Variants in ZRANB3 observed in about 807,000 individuals in gnomAD.
The protein encoded by ZRANB3 is DNA annealing helicase and endonuclease ZRANB3.
In ZRANB3, 125 loss-of-function variants were observed where a neutral mutation model predicts 133.8. The observed-to-expected ratio is 0.93, with a 90% CI of 0.81 to 1.08. The LOEUF is 1.08. ZRANB3 is among the 50% of genes least tolerant of loss of function. The pLI is 0.00. For missense variants in ZRANB3, 1,229 were observed against 1,275.5 expected (o/e 0.96, Z 0.56); for synonymous variants, 387 against 432.7 (o/e 0.89, Z 1.31).
At position 135,454,784 on chromosome 2, in the gene ZRANB3, C is replaced by G. The variant is rs78529627; in HGVS notation, c.161+49545G>C. 7.0e-3 allele frequency among the ~76,000 whole-genome samples: 1,065 copies of G among 152,252 alleles called. 11 individuals are homozygous for G. The highest frequency in any genetic ancestry group is 0.024 in the African/African-American group (998 of 41,542). On this transcript the variant is annotated intron_variant, in intron 2 of 20. Transcript: ENST00000264159. ...AGACATTTTTCATTCTTTTTCATGG[C>G]TGAGTAGTATTCCATGGTATATACA...
intron 2 of ZRANB3, among the ~76,000 whole-genome samples, chr2:135,475,779 A>T (rs1292688291): frequency 1.3e-5 from 2 of 152,188 alleles, no homozygotes. Context: ...TAAGGCAAAT[A>T]AAAATATTAA....
chr2:135,346,260 C>G (rs1205453981), intron 5 of ZRANB3, among the ~76,000 whole-genome samples: 1 of 152,052 alleles, frequency 6.6e-6, no homozygotes. Flanking sequence ...CCATGCCCGG[C>G]TAATTTTGTT....
Position 135,405,689 on chromosome 2 carries a change from T to A in ZRANB3, c.162-14869A>T, listed in dbSNP as rs565719152. Among the ~76,000 whole-genome samples the A allele has an allele frequency of 2.6e-4, 40 of 152,250 alleles. 1 individual carries two copies. The highest frequency in any genetic ancestry group is 3.4e-3 in the Middle Eastern group (1 of 294). On this transcript the variant is annotated intron_variant, in intron 2 of 20. Coordinates refer to ENST00000264159, the MANE Select transcript of ZRANB3 (RefSeq NM_032143.4). ...ATTCACTCAAATCCGCTCAACTACA[T>A]GGAAACTGAACAACCTGCTCCTGAA...
At chr2:135,407,008 A>G (rs1472422239) in intron 2 of ZRANB3, among the ~76,000 whole-genome samples, 1 of 152,224 alleles carries the variant, frequency 6.6e-6, no homozygotes, top group Non-Finnish European at 1.5e-5. Flanking sequence ...AGGGTATTCA[A>G]TTAGGAAAAG....
At chr2:135,284,904 G>A (rs1250834215) in intron 8 of ZRANB3, among the ~76,000 whole-genome samples, 7 of 149,962 alleles carry the variant, frequency 4.7e-5, no homozygotes, top group Non-Finnish European at 3.0e-5. Flanking sequence ...GGAGTGCCAC[G>A]GTGCACTCTT....
chr2:135,382,898 A>G (rs1686783991), intron 3 of ZRANB3, among the ~76,000 whole-genome samples: 3 of 152,248 alleles, frequency 2.0e-5, no homozygotes, highest in Non-Finnish European at 4.4e-5. Flanking sequence ...GCCAAATTCT[A>G]AAGACCATCG....
At chr2:135,513,084 T>C (rs1037992596) in intron 1 of ZRANB3, among the ~76,000 whole-genome samples, 6 of 152,156 alleles carry the variant, frequency 3.9e-5, no homozygotes, top group South Asian at 2.1e-4. Flanking sequence ...CTCATATTCA[T>C]AGGTAAACAA....
intron 8 of ZRANB3, among the ~76,000 whole-genome samples, chr2:135,286,438 C>T (rs975774258): frequency 3.9e-5 from 6 of 152,122 alleles, no homozygotes; most frequent in Non-Finnish European, 5.9e-5. Context: ...CCACTACACC[C>T]GGCTAATTTT....
At chr2:135,461,704 GACAGCTCT>G (rs1392255557) in intron 2 of ZRANB3, among the ~76,000 whole-genome samples, 1 of 152,172 alleles carries the variant, frequency 6.6e-6, no homozygotes, top group Non-Finnish European at 1.5e-5. Flanking sequence ...ACCTGGACTA[GACAGCTCT>G]ACGTAGCATC....
intron 1 of ZRANB3, among the ~76,000 whole-genome samples, chr2:135,509,909 T>C (rs1267432855): frequency 6.6e-6 from 1 of 152,198 alleles, no homozygotes; most frequent in African/African-American, 2.4e-5. Flanking sequence ...AATTGTCAAA[T>C]TTTCCAAACC....
chr2:135,529,115 G>A (rs747093149), intron 1 of ZRANB3, among the ~76,000 whole-genome samples: 3 of 152,104 alleles, frequency 2.0e-5, no homozygotes, highest in Admixed American at 6.6e-5. Context: ...AGTGTTAAGC[G>A]CTCATACCAT....
intron 1 of ZRANB3, among the ~76,000 whole-genome samples, chr2:135,529,822 G>T (rs1239767232): frequency 6.6e-6 from 1 of 151,514 alleles, no homozygotes; most frequent in East Asian, 2.0e-4. Context: ...TCTGCCACTC[G>T]TTTAATAAAT....
chr2:135,313,711 G>T, intron 7 of ZRANB3, 106 bp from the exon 8 acceptor site: 2 of 617,324 alleles, frequency 3.2e-6, no homozygotes, highest in South Asian at 6.4e-5. Context: ...TCTATAGAAA[G>T]ATATAAAAAG....
chr2:135,415,345 T>A (rs1305803794), intron 2 of ZRANB3, among the ~76,000 whole-genome samples: 2 of 151,956 alleles, frequency 1.3e-5, no homozygotes, highest in African/African-American at 4.8e-5. Context: ...GCAAATAAAC[T>A]AGAAAATCTA....
chr2:135,397,423 G>C (rs115785540), intron 2 of ZRANB3, among the ~76,000 whole-genome samples: 1,541 of 150,456 alleles, frequency 0.01, 25 homozygotes, highest in African/African-American at 0.036. Context: ...ACTTCAGCCT[G>C]GGCAAGAAAG....
chr2:135,373,562 C>T (rs1320035339), intron 3 of ZRANB3, among the ~76,000 whole-genome samples: 10 of 151,954 alleles, frequency 6.6e-5, no homozygotes, highest in Admixed American at 3.9e-4. Flanking sequence ...CCGAGGCAGG[C>T]GGACCACTTG....
At chr2:135,485,181 A>AACAAC (rs59024579) in intron 2 of ZRANB3, among the ~76,000 whole-genome samples, 7 of 148,048 alleles carry the variant, frequency 4.7e-5, no homozygotes, top group African/African-American at 1.8e-4. Context: ...AACAAAACAA[A>AACAAC]ACAAAACATA....
At chr2:135,486,863 C>G (rs930066281) in intron 2 of ZRANB3, among the ~76,000 whole-genome samples, 2 of 152,206 alleles carry the variant, frequency 1.3e-5, no homozygotes, top group African/African-American at 4.8e-5. Flanking sequence ...GGACTGGGAT[C>G]AACTTCTTCC....
chr2:135,419,680 G>C (rs1558987736), intron 2 of ZRANB3, among the ~76,000 whole-genome samples: 2 of 150,484 alleles, frequency 1.3e-5, no homozygotes. Flanking sequence ...ATAGTTGCTG[G>C]GCACATGTCC....
Sources: allele counts gnomAD v4.1 joint callset (sites outside exome capture counted in the v4.1 genomes callset), GRCh38; gene constraint gnomAD v4.1.1; transcripts MANE v1.5; gene names NCBI Gene and HGNC (gene_info 2026-07-23, HGNC 2026-07-21).